The following FRMD6 variants were observed in gnomAD, a reference collection of about 807,000 sequenced individuals.
FRMD6 encodes FERM domain containing 6.
In FRMD6, 37 loss-of-function variants were observed where a neutral mutation model predicts 73.2. The observed-to-expected ratio is 0.51, with a 90% CI of 0.39 to 0.66. The LOEUF (loss-of-function observed/expected upper bound fraction) is 0.66, where lower values mean the gene tolerates loss of function less well. FRMD6 is among the 30% of genes least tolerant of loss of function. The pLI is 0.00. For missense variants in FRMD6, 714 were observed against 780.5 expected (o/e 0.91, Z 1.02); for synonymous variants, 273 against 282.2 (o/e 0.97, Z 0.33).
At chr14:51,409,392 CTCATCAACTAT>C in the FRMD6 span, among the ~76,000 whole-genome samples, 2 of 127,194 alleles carry the variant, frequency 1.6e-5, no homozygotes, top group Admixed American at 1.9e-4. Flanking sequence ...TTCTGGATAG[CTCATCAACTAT>C]TCTAAAAAGA....
chr14:51,682,361 T>A (rs565439854), intron 1 of FRMD6, among the ~76,000 whole-genome samples: 18 of 152,202 alleles, frequency 1.2e-4, no homozygotes, highest in Non-Finnish European at 2.2e-4. Context: ...TAGAGCAGTT[T>A]TTTGTTTTTT....
chr14:51,441,468 A>G, the FRMD6 span, among the ~76,000 whole-genome samples: 41 of 152,334 alleles, frequency 2.7e-4, no homozygotes, highest in East Asian at 7.9e-3. Flanking sequence ...GCTGTATCCT[A>G]CTTTCACTAA....
chr14:51,708,249 T>C lies in FRMD6; in HGVS notation c.714+16T>C. On this transcript the variant is annotated intron_variant, in intron 7 of 13. Coordinates refer to ENST00000344768, the MANE Select transcript of FRMD6 (RefSeq NM_001267046.2). Reference sequence around the variant, plus strand: ...ATTGTATAAGGTATGAAACGGCAACTAAGTCTTCAGCTTCTGAGAAAAAAA... The same window carrying C: ...ATTGTATAAGGTATGAAACGGCAACCAAGTCTTCAGCTTCTGAGAAAAAAA... 2 of 1,608,656 alleles carry C rather than the reference T, an allele frequency of 1.2e-6. No homozygotes were observed. Among genetic ancestry groups the C allele is most frequent in the Non-Finnish European group, 1.7e-6 (2 of 1,176,448 alleles).
intron 5 of FRMD6, among the ~76,000 whole-genome samples, chr14:51,703,550 G>A (rs531590497): frequency 6.6e-6 from 1 of 152,048 alleles, no homozygotes; most frequent in South Asian, 2.1e-4. Context: ...TACCTGGTAA[G>A]TGTGGCATGA....
intron 1 of FRMD6, among the ~76,000 whole-genome samples, chr14:51,664,916 A>G (rs1238948552): frequency 6.6e-5 from 10 of 152,194 alleles, no homozygotes; most frequent in Admixed American, 5.9e-4. Context: ...ATAATTTCGC[A>G]GTGCTGGGGA....
chr14:51,437,571 G>GGAT, the FRMD6 span, among the ~76,000 whole-genome samples: 1 of 152,122 alleles, frequency 6.6e-6, no homozygotes, highest in Non-Finnish European at 1.5e-5. Context: ...CAAAGTGCTG[G>GGAT]GATTACAGGC....
intron 1 of FRMD6, chr14:51,546,947 A>G (rs1886506121): frequency 6.6e-6 from 1 of 152,118 alleles, no homozygotes; most frequent in African/African-American, 2.4e-5. Flanking sequence ...CCTGCCAGGC[A>G]AAGTTCAAGT....
chr14:51,711,927 T>G (rs1896965240), intron 8 of FRMD6, among the ~76,000 whole-genome samples: 1 of 152,214 alleles, frequency 6.6e-6, no homozygotes, highest in South Asian at 2.1e-4. Flanking sequence ...AATATTCTTT[T>G]ATCCTTTGGA....
rs763175264 is a variant in FRMD6, at chr14:51,712,493, A to G, written c.791A>G (p.Glu264Gly). ...ATATTCTTTTCACAGAATTTAGATGAAGAGAAACAATTACTTTATGATTTC... is the reference window on the plus strand; with the variant it reads ...ATATTCTTTTCACAGAATTTAGATGGAGAGAAACAATTACTTTATGATTTC... ...RGIQIFQNLD[E>G]EKQLLYDFPW... Residue 264 changes from glutamate to glycine, a missense_variant, in exon 9 of 14, where the codon GAA becomes GGA. Coordinates refer to ENST00000344768, the MANE Select transcript of FRMD6 (RefSeq NM_001267046.2). 4 of 1,591,358 alleles carry G rather than the reference A, an allele frequency of 2.5e-6. No homozygotes were observed. The highest frequency in any genetic ancestry group is 2.6e-6 in the Non-Finnish European group (3 of 1,160,230).
Position 51,587,414 on chromosome 14 carries a change from T to G in FRMD6, c.-147+17004T>G, listed in dbSNP as rs567803232. On this transcript the variant is annotated intron_variant, in intron 2 of 14. Transcript: ENST00000356218. ...CCTTAAACACTCTTTATGCCAAGTT[T>G]TATTAGCTTGGGTTAATTGTATGGC... 3.3e-5 allele frequency among the ~76,000 whole-genome samples: 5 copies of G among 152,358 alleles called. No homozygotes were observed. The South Asian group carries it at 1.0e-3, about 32-fold the overall frequency.
intron 1 of FRMD6, among the ~76,000 whole-genome samples, chr14:51,494,585 A>G (rs1387853780): frequency 1.3e-5 from 2 of 152,194 alleles, no homozygotes; most frequent in African/African-American, 2.4e-5. Context: ...CACAGCTGTC[A>G]TGGTTCGGAG....
the FRMD6 span, among the ~76,000 whole-genome samples, chr14:51,417,932 C>T: frequency 6.6e-6 from 1 of 152,136 alleles, no homozygotes; most frequent in Non-Finnish European, 1.5e-5. Context: ...CTTTCTTCCA[C>T]TTGATTGAAT....
chr14:51,718,506 A>G (rs773229433), intron 10 of FRMD6, among the ~76,000 whole-genome samples: 3 of 152,270 alleles, frequency 2.0e-5, no homozygotes, highest in Non-Finnish European at 4.4e-5. Flanking sequence ...TCCAAGGGCC[A>G]CATGGCTATT....
chr14:51,644,208 T>C (rs776274094), intron 2 of FRMD6, among the ~76,000 whole-genome samples: 1 of 152,150 alleles, frequency 6.6e-6, no homozygotes, highest in Non-Finnish European at 1.5e-5. Flanking sequence ...TGATATAAGG[T>C]GTCCCATTCA....
chr14:51,716,210 A>G (rs1897234726), intron 10 of FRMD6, among the ~76,000 whole-genome samples: 1 of 152,028 alleles, frequency 6.6e-6, no homozygotes, highest in Non-Finnish European at 1.5e-5. Context: ...ATAGCCCTTT[A>G]TCTTGAGTTG....
At chr14:51,412,995 T>A in the FRMD6 span, among the ~76,000 whole-genome samples, 7 of 113,420 alleles carry the variant, frequency 6.2e-5, no homozygotes, top group Admixed American at 8.7e-5. Flanking sequence ...GTTAAATTTT[T>A]TTTTTTTTTT....
the FRMD6 span, among the ~76,000 whole-genome samples, chr14:51,460,779 G>A: frequency 6.6e-6 from 1 of 152,158 alleles, no homozygotes; most frequent in Non-Finnish European, 1.5e-5. Context: ...TCCTGAAGAT[G>A]TTGATTAGTG....
chr14:51,691,436 G>T (rs908880946), intron 2 of FRMD6, among the ~76,000 whole-genome samples: 6 of 152,010 alleles, frequency 3.9e-5, no homozygotes, highest in Admixed American at 2.0e-4. Context: ...TCATGCCTAA[G>T]ATTTTTCAAC....
chr14:51,550,583 C>CCT (rs1555374775), intron 1 of FRMD6, among the ~76,000 whole-genome samples: 1 of 149,554 alleles, frequency 6.7e-6, no homozygotes, highest in Non-Finnish European at 1.5e-5. Context: ...GGAGGAGACC[C>CCT]CCCCGCCATG....
Sources: allele counts gnomAD v4.1 joint callset (sites outside exome capture counted in the v4.1 genomes callset), GRCh38; gene constraint gnomAD v4.1.1; transcripts MANE v1.5; gene names NCBI Gene and HGNC (gene_info 2026-07-23, HGNC 2026-07-21).